The following TULP3 variants were observed in gnomAD, a reference collection of about 807,000 sequenced individuals.
TULP3 encodes tubby-related protein 3.
TULP3 carries 38 observed loss-of-function variants against 50.7 expected under a neutral mutation model. The ratio of observed to expected loss-of-function variants is 0.75; its 90% CI spans 0.58 to 0.98. The LOEUF (loss-of-function observed/expected upper bound fraction) is 0.98. Among genes scored for constraint, TULP3 ranks in the 50% least tolerant of loss-of-function variants. The pLI is 0.00. For missense variants in TULP3, 550 were observed against 568.0 expected, an observed-to-expected ratio of 0.97 and a Z score of 0.32; for synonymous variants, 183 against 196.6, an observed-to-expected ratio of 0.93 and a Z score of 0.58.
intron 9 of TULP3, 108 bp downstream of exon 9, chr12:2,937,837 A>T: frequency 1.0e-6 from 1 of 991,426 alleles, no homozygotes; most frequent in South Asian, 1.7e-5. Context: ...AGAGCCCCAC[A>T]CTGGAGATAG....
intron 1 of TULP3, among the ~76,000 whole-genome samples, chr12:2,893,347 A>C (rs2098173406): frequency 1.1e-4 from 6 of 56,876 alleles, no homozygotes; most frequent in African/African-American, 4.3e-4. Flanking sequence ...TTTTTTTTCC[A>C]AACGGAGTTT....
chr12:2,893,572 C>T (rs1370280363), intron 1 of TULP3, among the ~76,000 whole-genome samples: 8 of 152,114 alleles, frequency 5.3e-5, no homozygotes, highest in Admixed American at 3.9e-4. Context: ...TCGCCCGCCT[C>T]GGCCTCCCAA....
At chr12:2,909,350 T>C (rs2098184123) in intron 1 of TULP3, among the ~76,000 whole-genome samples, 179 bp from the exon 2 acceptor site, 1 of 152,136 alleles carries the variant, frequency 6.6e-6, no homozygotes, top group Non-Finnish European at 1.5e-5. Flanking sequence ...GGAATAAGTG[T>C]GGTGTTAAGG....
chr12:2,911,617 A>G (rs531378475), intron 2 of TULP3, among the ~76,000 whole-genome samples: 301 of 132,670 alleles, frequency 2.3e-3, no homozygotes, highest in Non-Finnish European at 3.2e-3. Flanking sequence ...CGCCCGCCTT[A>G]GCCTCCCAAA....
chr12:2,911,199 AT>A (rs892206775), intron 2 of TULP3, among the ~76,000 whole-genome samples: 2 of 151,886 alleles, frequency 1.3e-5, no homozygotes, highest in African/African-American at 2.4e-5. Context: ...TTGTAGCACA[AT>A]TTTTTTTAAA....
intron 1 of TULP3, among the ~76,000 whole-genome samples, chr12:2,893,013 C>T (rs577362078): frequency 2.9e-4 from 44 of 151,876 alleles, no homozygotes; most frequent in African/African-American, 1.0e-3. Flanking sequence ...ACCACAGGTG[C>T]GTGGCACCAC....
chr12:2,900,872 A>G (rs1032795990), intron 1 of TULP3, among the ~76,000 whole-genome samples: 1 of 138,676 alleles, frequency 7.2e-6, no homozygotes, highest in African/African-American at 2.8e-5. Flanking sequence ...ACCAAGCCGA[A>G]ATACTTTTTT....
At chr12:2,938,353 TC>T (rs2098202774) in intron 10 of TULP3, 68 bp downstream of exon 10, 1 of 1,510,632 alleles carries the variant, frequency 6.6e-7, no homozygotes, top group African/African-American at 1.4e-5. Context: ...GAATGCACAT[TC>T]CCTGTACATG....
chr12:2,906,296 C>T (rs2098182191), intron 1 of TULP3, among the ~76,000 whole-genome samples: 1 of 151,482 alleles, frequency 6.6e-6, no homozygotes, highest in South Asian at 2.1e-4. Context: ...TCCAAAAGTG[C>T]TGGGAATACA....
chr12:2,936,964 G>C (rs1374848138), intron 8 of TULP3, among the ~76,000 whole-genome samples: 1 of 151,310 alleles, frequency 6.6e-6, no homozygotes, highest in Non-Finnish European at 1.5e-5. Flanking sequence ...AAAATAATTA[G>C]CCAGGCGTGG....
chr12:2,913,201 T>TGTG lies in TULP3; in HGVS notation c.93+3621_93+3622insGTG, dbSNP rs1565501058. Among the ~76,000 whole-genome samples, 164 of 146,570 alleles carry TGTG rather than the reference T, an allele frequency of 1.1e-3. 2 individuals are homozygous for TGTG. The highest frequency in any genetic ancestry group is 3.7e-3 in the African/African-American group (146 of 39,346). Reference sequence around the variant, plus strand: ...ACCCTAATGACTAATTATGTTGAGTTTGTGTGTGTGTGTGTGTGTGTATGT... The same window carrying TGTG: ...ACCCTAATGACTAATTATGTTGAGTTGTGTGTGTGTGTGTGTGTGTGTGTATGT... On this transcript the variant is annotated intron_variant, in intron 2 of 10. Coordinates refer to ENST00000448120, the MANE Select transcript of TULP3 (RefSeq NM_003324.5).
chr12:2,908,114 G>A (rs2098183436), intron 1 of TULP3, among the ~76,000 whole-genome samples: 1 of 152,172 alleles, frequency 6.6e-6, no homozygotes, highest in Non-Finnish European at 1.5e-5. Flanking sequence ...GCATTAGTAA[G>A]ATGCATAGAA....
chr12:2,911,445 C>T (rs1270317180), intron 2 of TULP3, among the ~76,000 whole-genome samples: 7 of 151,704 alleles, frequency 4.6e-5, no homozygotes, highest in African/African-American at 9.7e-5. Context: ...CTCCAACTCC[C>T]GGGTTCACGC....
chr12:2,896,271 C>T (rs375674316), intron 1 of TULP3, among the ~76,000 whole-genome samples: 93 of 152,290 alleles, frequency 6.1e-4, no homozygotes, highest in African/African-American at 2.2e-3. Context: ...TAGGGGACCC[C>T]TGTTGTATAT....
chr12:2,921,346 T>C (rs1446647738), intron 3 of TULP3, among the ~76,000 whole-genome samples: 1 of 152,092 alleles, frequency 6.6e-6, no homozygotes, highest in Middle Eastern at 3.2e-3. Flanking sequence ...TTTACTATGT[T>C]GGCCAGGCTT....
chr12:2,892,263 C>T (rs923046153), intron 1 of TULP3, among the ~76,000 whole-genome samples: 4 of 148,758 alleles, frequency 2.7e-5, no homozygotes, highest in South Asian at 2.1e-4. Flanking sequence ...GTTCACTGTG[C>T]TTTTTTTTTT....
intron 4 of TULP3, among the ~76,000 whole-genome samples, chr12:2,928,429 C>G (rs1330495775): frequency 6.6e-6 from 1 of 152,124 alleles, no homozygotes; most frequent in Non-Finnish European, 1.5e-5. Flanking sequence ...ACTCGAGAAG[C>G]TGAGGCAGGA....
At chr12:2,898,926 A>C (rs1240854053) in intron 1 of TULP3, among the ~76,000 whole-genome samples, 1 of 152,114 alleles carries the variant, frequency 6.6e-6, no homozygotes, top group Non-Finnish European at 1.5e-5. Context: ...CAGTCTGCCC[A>C]CATAGGCATC....
chr12:2,931,840 T>C (rs779033768), intron 6 of TULP3, among the ~76,000 whole-genome samples: 8 of 152,172 alleles, frequency 5.3e-5, no homozygotes, highest in Non-Finnish European at 1.0e-4. Flanking sequence ...AGACCAAGCA[T>C]ATGCATATAT....
Sources: allele counts gnomAD v4.1 joint callset (sites outside exome capture counted in the v4.1 genomes callset), GRCh38; gene constraint gnomAD v4.1.1; transcripts MANE v1.5; gene names NCBI Gene and HGNC (gene_info 2026-07-23, HGNC 2026-07-21).